The following KCNJ6 variants were observed in gnomAD, a reference collection of about 807,000 sequenced individuals.
KCNJ6 encodes potassium inwardly rectifying channel subfamily J member 6.
In KCNJ6, 9 loss-of-function variants were observed where a neutral mutation model predicts 34.2. That is an observed-to-expected ratio of 0.26 (90% CI 0.16 to 0.46). KCNJ6 has a LOEUF of 0.46. Among genes scored for constraint, KCNJ6 ranks in the 20% least tolerant of loss-of-function variants. The pLI is 1.00. For synonymous variants in KCNJ6, 196 were observed against 207.1 expected (o/e 0.95, Z 0.46); for missense variants, 236 against 531.3 (o/e 0.44, Z 5.46).
At chr21:37,759,636 C>A (rs1467528469) in intron 2 of KCNJ6, among the ~76,000 whole-genome samples, 1 of 152,220 alleles carries the variant, frequency 6.6e-6, no homozygotes, top group African/African-American at 2.4e-5. Flanking sequence ...GTCTAAGTAG[C>A]ACTGTTGGTC....
chr21:37,645,027 T>G (rs1300761271), intron 3 of KCNJ6, among the ~76,000 whole-genome samples: 1 of 151,490 alleles, frequency 6.6e-6, no homozygotes, highest in Admixed American at 6.6e-5. Flanking sequence ...GTTTTTTTTT[T>G]TTTTTTTTGT....
At chr21:37,655,179 T>TGTGTGTGTGTGTG (rs1377937886) in intron 3 of KCNJ6, among the ~76,000 whole-genome samples, 16 of 24,020 alleles carry the variant, frequency 6.7e-4, no homozygotes, top group Admixed American at 2.3e-3. Flanking sequence ...CTCTAGACAT[T>TGTGTGTGTGTGTG]TGTGTGTGTG....
At chr21:37,890,493 A>T (rs2055756976) in intron 1 of KCNJ6, among the ~76,000 whole-genome samples, 1 of 152,238 alleles carries the variant, frequency 6.6e-6, no homozygotes, top group South Asian at 2.1e-4. Context: ...GACCTATTTT[A>T]ACCTACGACA....
chr21:37,642,403 T>A (rs1403957802), intron 3 of KCNJ6, among the ~76,000 whole-genome samples: 1 of 152,126 alleles, frequency 6.6e-6, no homozygotes, highest in Admixed American at 6.5e-5. Flanking sequence ...GAGGAGGATA[T>A]TTCAGGAAGA....
At position 37,856,907 on chromosome 21, in the gene KCNJ6, C is replaced by G. The variant is rs8134618; in HGVS notation, c.-27-16198G>C. Among the ~76,000 whole-genome samples the G allele has an allele frequency of 6.8e-3, 1,035 of 152,196 alleles. 8 individuals carry two copies. The highest frequency in any genetic ancestry group is 0.024 in the African/African-American group (985 of 41,502). Reference sequence around the variant, plus strand: ...TGGTTTCATTCCAGTGTGTGATGCTCTTGCATGGTTCACCAGGCCATGCTC... The same window carrying G: ...TGGTTTCATTCCAGTGTGTGATGCTGTTGCATGGTTCACCAGGCCATGCTC... On this transcript the variant is annotated intron_variant, in intron 1 of 3. Coordinates refer to ENST00000609713, the MANE Select transcript of KCNJ6 (RefSeq NM_002240.5).
chr21:37,807,672 G>A (rs966412849), intron 2 of KCNJ6, among the ~76,000 whole-genome samples: 2 of 152,232 alleles, frequency 1.3e-5, no homozygotes, highest in Non-Finnish European at 2.9e-5. Flanking sequence ...TGTAGCCTAG[G>A]TGAGTAGCAG....
At chr21:37,829,973 T>C (rs117930146) in intron 2 of KCNJ6, among the ~76,000 whole-genome samples, 4 of 152,200 alleles carry the variant, frequency 2.6e-5, no homozygotes, top group Non-Finnish European at 4.4e-5. Flanking sequence ...TCTCGTTCCA[T>C]GTTCTGGGAG....
intron 2 of KCNJ6, among the ~76,000 whole-genome samples, chr21:37,818,225 T>C (rs1052061526): frequency 1.3e-5 from 2 of 151,202 alleles, no homozygotes; most frequent in African/African-American, 2.4e-5. Flanking sequence ...TGTGTGTGTG[T>C]GTGTGTGTGT....
In KCNJ6 at chr21:37,617,855, G is replaced by T. The variant is rs966496816; in HGVS notation, c.*7304C>A. The T allele has an allele frequency of 4.6e-5, 7 of 152,216 alleles. No homozygotes were observed. Among genetic ancestry groups the T allele is most frequent in the African/African-American group, 1.7e-4 (7 of 41,442 alleles). 9.4% of individuals were successfully genotyped at this position (152,216 alleles called of 1,614,324 possible). A position where few individuals can be genotyped will look rare whatever the true frequency, so the allele number is the denominator to read the frequency against. ...CCCCTGTGCTTAGCAGATGCTAAAG[G>T]TCTTAATTTAGTCATCATTCCTGAC... On this transcript the variant is annotated 3_prime_UTR_variant, in exon 4 of 4. Transcript: ENST00000609713.
intron 2 of KCNJ6, among the ~76,000 whole-genome samples, chr21:37,819,100 G>A (rs2123551970): frequency 6.6e-6 from 1 of 152,306 alleles, no homozygotes; most frequent in South Asian, 2.1e-4. Flanking sequence ...ATTCACACTA[G>A]ACAAGCTGGA....
At chr21:37,731,941 A>T (rs2054887650) in intron 2 of KCNJ6, among the ~76,000 whole-genome samples, 1 of 152,214 alleles carries the variant, frequency 6.6e-6, no homozygotes, top group South Asian at 2.1e-4. Flanking sequence ...AAACTCCCAG[A>T]GACTCTGAAT....
chr21:37,832,596 A>G (rs2055431620), intron 2 of KCNJ6, among the ~76,000 whole-genome samples: 1 of 152,060 alleles, frequency 6.6e-6, no homozygotes, highest in Admixed American at 6.6e-5. Flanking sequence ...TTCTGGAGGC[A>G]TGGGGCAGTC....
chr21:37,796,489 G>C (rs2055242699), intron 2 of KCNJ6, among the ~76,000 whole-genome samples: 1 of 152,098 alleles, frequency 6.6e-6, no homozygotes, highest in African/African-American at 2.4e-5. Flanking sequence ...TTTCATTTGC[G>C]AGTTAGTTGG....
chr21:37,812,862 G>A (rs538315585), intron 2 of KCNJ6, among the ~76,000 whole-genome samples: 82 of 152,270 alleles, frequency 5.4e-4, no homozygotes, highest in African/African-American at 1.9e-3. Context: ...AACAAGACAA[G>A]GATGCCCACT....
At chr21:37,792,083 C>T (rs535129338) in intron 2 of KCNJ6, among the ~76,000 whole-genome samples, 23 of 152,186 alleles carry the variant, frequency 1.5e-4, no homozygotes, top group Admixed American at 6.5e-4. Context: ...TATTTAATTG[C>T]TAACGAATAC....
chr21:37,676,651 C>G (rs1325830342), intron 3 of KCNJ6, among the ~76,000 whole-genome samples: 1 of 152,218 alleles, frequency 6.6e-6, no homozygotes, highest in Non-Finnish European at 1.5e-5. Context: ...AAGCAAGGCA[C>G]CAGCCAGAGC....
chr21:37,695,176 A>G lies in KCNJ6; in HGVS notation c.946+19035T>C, dbSNP rs1180087823. 6.6e-6 allele frequency among the ~76,000 whole-genome samples: 1 copy of G among 152,236 alleles called. No individual in the cohort carries two copies. The highest frequency in any genetic ancestry group is 1.9e-4 in the East Asian group (1 of 5,200). ...GAGCATGCACACCATAATGATGCAC[A>G]ATCTTGCTGCATGCCCAATAAATTT... On this transcript the variant is annotated intron_variant, in intron 3 of 3. Transcript: ENST00000609713. The surrounding 1 kb of genome is among the most constrained non-coding windows in gnomAD (Gnocchi z 4.2).
chr21:37,759,290 CTCT>C (rs1044135974), intron 2 of KCNJ6, among the ~76,000 whole-genome samples: 4 of 152,236 alleles, frequency 2.6e-5, no homozygotes, highest in Admixed American at 2.0e-4. Flanking sequence ...CCTCACCCTC[CTCT>C]TCTTGTTCCC....
chr21:37,639,848 A>ACT (rs757564871), intron 3 of KCNJ6, among the ~76,000 whole-genome samples: 2 of 151,180 alleles, frequency 1.3e-5, no homozygotes, highest in Non-Finnish European at 3.0e-5. Flanking sequence ...CATTTCCCTG[A>ACT]CTCTCTCTCT....
Sources: allele counts gnomAD v4.1 joint callset (sites outside exome capture counted in the v4.1 genomes callset), GRCh38; gene constraint gnomAD v4.1.1; non-coding constraint Gnocchi (gnomAD v3.1); transcripts MANE v1.5; gene names NCBI Gene and HGNC (gene_info 2026-07-23, HGNC 2026-07-21).